SDC3: variants seen among roughly 807,000 people sequenced by gnomAD.
The protein encoded by SDC3 is syndecan-3.
A neutral mutation model predicts 24.4 loss-of-function variants in SDC3; 13 were observed. The observed-to-expected ratio is 0.53, with a 90% confidence interval of 0.35 to 0.85. The LOEUF is 0.85. SDC3 is among the 40% of genes least tolerant of loss of function. The pLI, the probability that SDC3 is intolerant of heterozygous loss-of-function variation, is 0.01. For missense variants in SDC3, 571 were observed against 584.5 expected (o/e 0.98, Z 0.24); for synonymous variants, 295 against 260.9 (o/e 1.13, Z -1.26).
At chr1:30,892,765 G>T (rs1345063956) in intron 1 of SDC3, among the ~76,000 whole-genome samples, 1 of 152,172 alleles carries the variant, frequency 6.6e-6, no homozygotes, top group Non-Finnish European at 1.5e-5. Flanking sequence ...ACACCCTGTA[G>T]CACCATGGTC....
At chr1:30,889,806 G>A (rs1639879987) in intron 1 of SDC3, among the ~76,000 whole-genome samples, 1 of 152,114 alleles carries the variant, frequency 6.6e-6, no homozygotes, top group African/African-American at 2.4e-5. Context: ...CTCTCAAAAT[G>A]TTAAATGGAG....
chr1:30,885,771 G>A (rs1000613380), intron 1 of SDC3, among the ~76,000 whole-genome samples: 7 of 151,974 alleles, frequency 4.6e-5, no homozygotes, highest in Admixed American at 2.0e-4. Context: ...ACACCCACCC[G>A]CCCGCCTTCT....
At chr1:30,880,598 C>G (rs1639728873) in intron 1 of SDC3, 1 of 152,142 alleles carries the variant, frequency 6.6e-6, no homozygotes, top group African/African-American at 2.4e-5. Flanking sequence ...ACCCCTGAGC[C>G]CACCTGGGAT....
At chr1:30,874,178 C>A in intron 4 of SDC3, 119 bp downstream of exon 4, 2 of 794,496 alleles carry the variant, frequency 2.5e-6, no homozygotes, top group Non-Finnish European at 4.0e-6. Flanking sequence ...TCCTATCTGG[C>A]TCCTAGGAAA....
chr1:30,874,609 G>A (rs1430855666), intron 3 of SDC3, 21 bp from the exon 4 acceptor site: 1 of 1,608,706 alleles, frequency 6.2e-7, no homozygotes, highest in African/African-American at 1.3e-5. Context: ...GGTGGCATGA[G>A]CCCAGGACAA....
At chr1:30,907,300 G>A (rs569175140) in intron 1 of SDC3, among the ~76,000 whole-genome samples, 15 of 152,266 alleles carry the variant, frequency 9.9e-5, no homozygotes, top group Non-Finnish European at 1.3e-4. Flanking sequence ...TCCCTCAAAG[G>A]GGGATGAGGT....
Position 30,876,741 on chromosome 1 carries a change from G to A in SDC3, c.681C>T (p.Pro227=), listed in dbSNP as rs576287334. 69 of 1,589,416 alleles carry A rather than the reference G, an allele frequency of 4.3e-5. No individual in the cohort carries two copies. The highest frequency in any genetic ancestry group is 3.6e-4 in the East Asian group (16 of 44,664). ...TTVATARATT[P]EAPSPPTTAA... is the part of the protein sequence containing the mutation. ...CCGTGGTGGGCGGGGAGGGCGCCTC[G>A]GGGGTAGTGGCCCGTGCCGTAGCCA... Residue 227 remains proline (P), a synonymous_variant, in exon 3 of 5, where the codon CCC becomes CCT. Transcript: ENST00000339394.
chr1:30,874,460 C>T lies in SDC3; in HGVS notation c.999G>A (p.Val333=). 2 of 1,614,178 alleles carry T rather than the reference C, an allele frequency of 1.2e-6. No individual in the cohort carries two copies. The highest frequency in any genetic ancestry group is 1.7e-6 in the Non-Finnish European group (2 of 1,180,010). The part of the protein sequence containing the change: ...ETTQPDTANE[V]VAVGGAAAKA... ...TGGCCGCAGCCCCTCCCACAGCTAC[C>T]ACCTCATTGGCTGTGTCTGGTTGTG... Residue 333 remains valine (V), a synonymous_variant, in exon 4 of 5, where the codon GTG becomes GTA. Coordinates refer to ENST00000339394, the MANE Select transcript of SDC3 (RefSeq NM_014654.4).
At position 30,871,471 on chromosome 1, in the gene SDC3, C is replaced by G. The variant is rs954256612; in HGVS notation, c.*1740G>C. 2.6e-5 allele frequency: 4 copies of G among 152,292 alleles called. No individual in the cohort carries two copies. 9.4% of individuals were successfully genotyped at this position (152,292 alleles called of 1,614,324 possible). A position where few individuals can be genotyped will look rare whatever the true frequency, so the allele number is the denominator to read the frequency against. Reference sequence around the variant, plus strand: ...GTAACAAAGGAAGTAACCCCTCCCCCACTATCACCTGGTCTCATCCCTCAA... The same window carrying G: ...GTAACAAAGGAAGTAACCCCTCCCCGACTATCACCTGGTCTCATCCCTCAA... On this transcript the variant is annotated 3_prime_UTR_variant, in exon 5 of 5. Transcript: ENST00000339394.
In SDC3 at chr1:30,873,389, G is replaced by A. The variant is rs1309568873; in HGVS notation, c.1163-12C>T. ...GCCCACAATCACAGCTGTGGAAGAA[G>A]AGGGCACAGGTCAAGGCCCAGAGGC... On this transcript the variant is annotated splice_polypyrimidine_tract_variant and intron_variant, in intron 4 of 4. Coordinates refer to ENST00000339394, the MANE Select transcript of SDC3 (RefSeq NM_014654.4). 2 of 1,611,886 alleles carry A rather than the reference G, an allele frequency of 1.2e-6. No individual in the cohort carries two copies. The highest frequency in any genetic ancestry group is 4.5e-5 in the East Asian group (2 of 44,888).
intron 1 of SDC3, among the ~76,000 whole-genome samples, chr1:30,894,482 TGGATGA>T: frequency 1.1e-4 from 1 of 9,314 alleles, no homozygotes; most frequent in African/African-American, 9.4e-4. Flanking sequence ...TGGGGGGGTG[TGGATGA>T]ATGTGGGGGG....
rs570645571 is a variant in SDC3 at position 30,876,986 on chromosome 1, T to G, written c.436A>C (p.Thr146Pro). 4 of 1,613,232 alleles carry G rather than the reference T, an allele frequency of 2.5e-6. No individual in the cohort carries two copies. In the African/African-American group the frequency reaches 5.3e-5, roughly 22 times the overall value. Residue 146 changes from threonine to proline, a missense_variant, in exon 3 of 5, where the codon ACA (threonine) becomes CCA (proline). Transcript: ENST00000339394. Reference protein sequence around the residue: ...LEPATSPLVVTEVPEEPSQRA... With the variant: ...LEPATSPLVVPEVPEEPSQRA... Reference sequence around the variant, plus strand: ...TGGCTGGGCTCTTCCGGGACTTCTGTCACCACCAGGGGGCTGGTGGCTGGC... The same window carrying G: ...TGGCTGGGCTCTTCCGGGACTTCTGGCACCACCAGGGGGCTGGTGGCTGGC...
At chr1:30,885,660 G>A (rs902309058) in intron 1 of SDC3, among the ~76,000 whole-genome samples, 11 of 152,328 alleles carry the variant, frequency 7.2e-5, no homozygotes, top group African/African-American at 2.4e-4. Flanking sequence ...CAGGGCCCAC[G>A]GCCCAACCGA....
chr1:30,899,476 G>A (rs961178126), intron 1 of SDC3, among the ~76,000 whole-genome samples: 3 of 152,170 alleles, frequency 2.0e-5, no homozygotes, highest in African/African-American at 7.2e-5. Flanking sequence ...CCGGGTTCAA[G>A]CAATTCTCTG....
Position 30,877,036 on chromosome 1 carries a change from A to G in SDC3, c.386T>C (p.Leu129Pro), listed in dbSNP as rs1639655821. 5 of 1,613,622 alleles carry G rather than the reference A, an allele frequency of 3.1e-6. No individual in the cohort carries two copies. In the South Asian group the frequency reaches 4.4e-5, roughly 14 times the overall value. ...IQPVGTPFEE[L>P]PSERPTLEPA... ...CTCCAGGGTGGGGCGCTCAGAGGGG[A>G]GCTCTTCAAATGGTGTGCCCACAGG... Residue 129 changes from leucine to proline, a missense_variant, in exon 3 of 5, where the codon CTC becomes CCC. Physicochemically the swap from Leu to Pro is moderately conservative, Grantham distance 98. This residue lies in a region of SDC3 where 497 missense variants were observed against 471.6 expected (regional missense o/e 1.05). Coordinates refer to ENST00000339394, the MANE Select transcript of SDC3 (RefSeq NM_014654.4).
intron 1 of SDC3, among the ~76,000 whole-genome samples, chr1:30,901,565 C>T (rs1194942085): frequency 6.6e-6 from 1 of 152,146 alleles, no homozygotes; most frequent in East Asian, 1.9e-4. Flanking sequence ...AACTCAGCAC[C>T]ACGGACCCTA....
At chr1:30,881,075 C>A (rs1376584480) in intron 1 of SDC3, among the ~76,000 whole-genome samples, 1 of 150,622 alleles carries the variant, frequency 6.6e-6, no homozygotes, top group African/African-American at 2.4e-5. Flanking sequence ...CATCCTCATG[C>A]ATATATATTC....
In SDC3 at chr1:30,873,019, G is replaced by C. The variant is rs1569985592; in HGVS notation, c.*192C>G. The C allele has an allele frequency of 1.6e-6, 1 of 607,476 alleles. No homozygotes were observed. The highest frequency in any genetic ancestry group is 2.7e-5 in the East Asian group (1 of 36,554). The allele number at this position is 607,476 out of a possible 1,614,324, so 37.6% of individuals were successfully genotyped here. The stretch of plus-strand genomic sequence containing the variant: ...TGAGCTCGTAAGGGCACAGTCTGGG[G>C]CAGATGGCAGCAGCCCCTCTTCCTC... On this transcript the variant is annotated 3_prime_UTR_variant, in exon 5 of 5. Transcript: ENST00000339394.
Position 30,870,876 on chromosome 1 carries a change from TG to T in SDC3, c.*2334del. 1 of 152,710 alleles carries T rather than the reference TG, an allele frequency of 6.5e-6. No individual in the cohort carries two copies. The allele number at this position is 152,710 out of a possible 1,614,324, so 9.5% of individuals were successfully genotyped here. On this transcript the variant is annotated 3_prime_UTR_variant, in exon 5 of 5. Coordinates refer to ENST00000339394, the MANE Select transcript of SDC3 (RefSeq NM_014654.4). The stretch of plus-strand genomic sequence containing the variant: ...AAGCCCTTTTCTCCTCTATCCTCCC[TG>T]GTTTCTCAGCCTCGGCCTGCCCAGG...
Sources: allele counts gnomAD v4.1 joint callset (sites outside exome capture counted in the v4.1 genomes callset), GRCh38; gene constraint gnomAD v4.1.1; regional missense constraint gnomAD v4.1.1; transcripts MANE v1.5; gene names NCBI Gene and HGNC (gene_info 2026-07-23, HGNC 2026-07-21).